The following ADGRG2 variants were observed in gnomAD, a reference collection of about 807,000 sequenced individuals.
ADGRG2 encodes G protein-coupled receptor 64.
ADGRG2 carries 26 observed loss-of-function variants against 74.1 expected under a neutral mutation model. The ratio of observed to expected loss-of-function variants is 0.35; its 90% CI spans 0.26 to 0.49. ADGRG2 has a LOEUF of 0.49. Among genes scored for constraint, ADGRG2 ranks in the 20% least tolerant of loss-of-function variants. ADGRG2 has a pLI of 0.99. For missense variants in ADGRG2, 619 were observed against 763.1 expected (o/e 0.81, Z 2.22); for synonymous variants, 296 against 295.2 (o/e 1.00, Z -0.03).
chrX:19,121,936 C>A (rs1254635021), intron 1 of ADGRG2, among the ~76,000 whole-genome samples: 1 of 111,919 alleles, frequency 8.9e-6, no homozygotes, highest in Non-Finnish European at 1.9e-5. Flanking sequence ...CTCCGTCCCT[C>A]GGTGCCCGGG....
chrX:19,088,330 G>A (rs6527892), intron 1 of ADGRG2, among the ~76,000 whole-genome samples: 39,534 of 110,515 alleles, frequency 0.36, 6,252 homozygotes, highest in African/African-American at 0.62. Context: ...AATTGAATTT[G>A]GATCATCACA....
intron 8 of ADGRG2, chrX:19,031,796 G>C (rs1376001866): frequency 8.9e-6 from 1 of 111,765 alleles, no homozygotes; most frequent in Non-Finnish European, 1.9e-5. Context: ...TTTCTCCTTT[G>C]GTGAGAGGAG....
Position 19,034,025 on chromosome X carries a change from A to AG in ADGRG2, c.263-372_263-371insC, listed in dbSNP as rs201292896. ...GACCTTCAGGTGATAGGTTGTAAAAACAGGTAATTCAGAATAAAAATTAAT... is the reference window on the plus strand; with the variant it reads ...GACCTTCAGGTGATAGGTTGTAAAAAGCAGGTAATTCAGAATAAAAATTAAT... On this transcript the variant is annotated intron_variant, in intron 7 of 28. Transcript: ENST00000379869. 24 of 126,503 alleles carry AG rather than the reference A, an allele frequency of 1.9e-4. No homozygotes were observed. The South Asian group carries it at 7.5e-3, about 39-fold the overall frequency. 10.4% of individuals were successfully genotyped at this position (126,503 alleles called of 1,213,427 possible).
intron 8 of ADGRG2, chrX:19,033,226 G>A (rs1392095137): frequency 7.8e-6 from 1 of 129,014 alleles, no homozygotes; most frequent in Non-Finnish European, 1.5e-5. Context: ...TCTTGTCTCA[G>A]GAAAAAAAAA....
chrX:19,048,235 A>G (rs1166092169), intron 3 of ADGRG2, among the ~76,000 whole-genome samples: 1 of 112,399 alleles, frequency 8.9e-6, no homozygotes, highest in African/African-American at 3.2e-5. Context: ...ATGCCCCGAA[A>G]TAAAATGCAA....
At chrX:19,065,576 C>T (rs951323024) in intron 3 of ADGRG2, among the ~76,000 whole-genome samples, 15 of 111,832 alleles carry the variant, frequency 1.3e-4, no homozygotes, top group African/African-American at 4.9e-4. Flanking sequence ...CATAATTTTT[C>T]AAAAAGACAT....
rs1424183971 is a variant in ADGRG2 at position 19,037,466 on chromosome X, C to T, written c.226+1G>A. On this transcript the variant is annotated splice_donor_variant, in intron 6 of 28. Coordinates refer to ENST00000379869, the MANE Select transcript of ADGRG2 (RefSeq NM_001079858.3). LOFTEE classifies it high-confidence loss of function. ...TTCACTTGCTTCAGAAAAATTCTTACCATTGAGGCTTGTTGTTTCAACCTC... is the reference window on the plus strand; with the variant it reads ...TTCACTTGCTTCAGAAAAATTCTTATCATTGAGGCTTGTTGTTTCAACCTC... The T allele has an allele frequency of 8.5e-7, 1 of 1,170,609 alleles. No individual in the cohort carries two copies. Among genetic ancestry groups the T allele is most frequent in the South Asian group, 1.8e-5 (1 of 54,225 alleles).
At chrX:19,060,829 T>C (rs756137279) in intron 3 of ADGRG2, among the ~76,000 whole-genome samples, 2 of 111,555 alleles carry the variant, frequency 1.8e-5, no homozygotes, top group Non-Finnish European at 3.8e-5. Flanking sequence ...TTTACAGGTG[T>C]AAGCCACCAC....
At chrX:19,077,094 T>A in intron 2 of ADGRG2, among the ~76,000 whole-genome samples, 1 of 110,236 alleles carries the variant, frequency 9.1e-6, no homozygotes. Flanking sequence ...TCCTAACTAG[T>A]GGAGGAGGAA....
chrX:19,117,011 G>C (rs961490943), intron 1 of ADGRG2, among the ~76,000 whole-genome samples: 3 of 112,029 alleles, frequency 2.7e-5, no homozygotes, highest in African/African-American at 9.7e-5. Flanking sequence ...ATAAAATGTG[G>C]CCAGGCGTGA....
In ADGRG2 at chrX:19,096,139, G is replaced by A. The variant is rs1275472781; in HGVS notation, c.-46-13393C>T. ...AAAGGAAATGGACCAGGCCAGGTGC[G>A]GTGGCTCACGCCTGTAATCCCAACA... On this transcript the variant is annotated intron_variant, in intron 1 of 28. Transcript: ENST00000379869. 2.7e-5 allele frequency among the ~76,000 whole-genome samples: 3 copies of A among 111,428 alleles called. No individual in the cohort carries two copies. In the East Asian group the frequency reaches 8.5e-4, roughly 31 times the overall value.
chrX:19,061,918 C>A (rs760356571), intron 3 of ADGRG2, among the ~76,000 whole-genome samples: 1 of 111,872 alleles, frequency 8.9e-6, no homozygotes, highest in South Asian at 3.8e-4. Flanking sequence ...AGACCTCCCT[C>A]ATCCTGCAGG....
At chrX:19,007,012 C>T (rs2060249648) in intron 20 of ADGRG2, among the ~76,000 whole-genome samples, 1 of 110,976 alleles carries the variant, frequency 9.0e-6, no homozygotes, top group Admixed American at 9.6e-5. Context: ...CCGCCTCAGC[C>T]TCTCAAAGTG....
At chrX:19,120,959 G>A (rs2062600200) in intron 1 of ADGRG2, among the ~76,000 whole-genome samples, 1 of 112,462 alleles carries the variant, frequency 8.9e-6, no homozygotes, top group South Asian at 3.7e-4. Flanking sequence ...ATGCAAAGCT[G>A]TCCTTGGTGC....
chrX:19,018,054 A>G lies in ADGRG2; in HGVS notation c.710+1545T>C, dbSNP rs759969288. ...TCTCCCAGTTTCCCTCCATTGGAGC[A>G]ATGATTTTAAGGCATCAATTCTCAA... On this transcript the variant is annotated intron_variant, in intron 15 of 28. Coordinates refer to ENST00000379869, the MANE Select transcript of ADGRG2 (RefSeq NM_001079858.3). 4.5e-5 allele frequency among the ~76,000 whole-genome samples: 5 copies of G among 111,608 alleles called. No homozygotes were observed. In the East Asian group the frequency reaches 8.5e-4, roughly 19 times the overall value.
At chrX:19,082,957 A>G (rs1426878946) in intron 1 of ADGRG2, among the ~76,000 whole-genome samples, 1 of 110,766 alleles carries the variant, frequency 9.0e-6, no homozygotes, top group African/African-American at 3.3e-5. Flanking sequence ...AACTGGAAGC[A>G]CAAGCCCAAA....
At chrX:19,104,861 G>T (rs774760796) in intron 1 of ADGRG2, among the ~76,000 whole-genome samples, 1 of 96,477 alleles carries the variant, frequency 1.0e-5, no homozygotes, top group Admixed American at 1.2e-4. Context: ...AGGTTGCAGT[G>T]AGCCAAGATC....
chrX:18,991,185 A>G (rs2059917471), intron 28 of ADGRG2, 137 bp from the exon 29 acceptor site: 2 of 350,282 alleles, frequency 5.7e-6, no homozygotes, highest in Non-Finnish European at 4.8e-6. Context: ...ATATATGTTC[A>G]TATTTTATTT....
intron 27 of ADGRG2, among the ~76,000 whole-genome samples, chrX:18,995,576 T>A (rs2060003545): frequency 9.0e-6 from 1 of 111,534 alleles, no homozygotes; most frequent in African/African-American, 3.3e-5. Context: ...CCCAACCGGG[T>A]ATATGTGAAA....
Sources: allele counts gnomAD v4.1 joint callset (sites outside exome capture counted in the v4.1 genomes callset), GRCh38; gene constraint gnomAD v4.1.1; transcripts MANE v1.5; gene names NCBI Gene and HGNC (gene_info 2026-07-23, HGNC 2026-07-21).